Variants in NFATC1 observed in about 807,000 individuals in gnomAD.
NFATC1 encodes the protein nuclear factor of activated T cells 1, also known as nuclear factor of activated T-cells, cytoplasmic 1.
In NFATC1, 22 loss-of-function variants were observed where a neutral mutation model predicts 76.0. That is an observed-to-expected ratio of 0.29 (90% CI 0.21 to 0.41). The LOEUF is 0.41. NFATC1 is among the 10% of genes least tolerant of loss of function. The probability of loss-of-function intolerance (pLI) is 1.00; values close to 1 mark genes in which losing one functional copy is unlikely to be tolerated. For synonymous variants in NFATC1, 704 were observed against 613.1 expected, an observed-to-expected ratio of 1.15 and a Z score of -2.19; for missense variants, 1,357 against 1,337.7, an observed-to-expected ratio of 1.01 and a Z score of -0.23.
intron 8 of NFATC1, among the ~76,000 whole-genome samples, chr18:79,481,046 G>A (rs9950247): frequency 0.023 from 3,532 of 152,344 alleles, 125 homozygotes; most frequent in African/African-American, 0.081. Flanking sequence ...GGTGCCCACC[G>A]GCGTCTCACT....
At chr18:79,409,575 C>T (rs1689049894) in intron 1 of NFATC1, among the ~76,000 whole-genome samples, 1 of 152,190 alleles carries the variant, frequency 6.6e-6, no homozygotes, top group South Asian at 2.1e-4. Flanking sequence ...CTTTATCCCT[C>T]ATTCCTCCCT....
chr18:79,482,786 C>T (rs1476844606), intron 8 of NFATC1, among the ~76,000 whole-genome samples: 1 of 138,044 alleles, frequency 7.2e-6, no homozygotes, highest in African/African-American at 2.7e-5. Flanking sequence ...TCCAGCGTGA[C>T]CTGGTCCTGG....
intron 2 of NFATC1, among the ~76,000 whole-genome samples, chr18:79,411,766 C>T (rs1275739477): frequency 6.6e-6 from 1 of 152,242 alleles, no homozygotes; most frequent in Non-Finnish European, 1.5e-5. Context: ...CTCTCGGGCC[C>T]TGCTGATGGC....
intron 8 of NFATC1, among the ~76,000 whole-genome samples, chr18:79,482,346 G>C (rs1302764262): frequency 7.3e-6 from 1 of 137,710 alleles, no homozygotes; most frequent in Non-Finnish European, 1.6e-5. Flanking sequence ...AGCGTGACCT[G>C]GTCCTGGGGT....
chr18:79,494,206 C>T (rs1408950030), intron 9 of NFATC1, among the ~76,000 whole-genome samples: 1 of 151,970 alleles, frequency 6.6e-6, no homozygotes, highest in Non-Finnish European at 1.5e-5. Context: ...CGAGAGCGGG[C>T]ACACGCCCCC....
rs1017832577 is a variant in NFATC1, at chr18:79,508,693, CT to C, written c.2783-18834del. 2.0e-4 allele frequency among the ~76,000 whole-genome samples: 31 copies of C among 151,958 alleles called. 1 individual carries two copies. ...TGTCTCCCTTCCTCCCTGTCTCTGCCTCTTTGTCTCCCTCCGTCTCTGAATC... is the reference window on the plus strand; with the variant it reads ...TGTCTCCCTTCCTCCCTGTCTCTGCCCTTTGTCTCCCTCCGTCTCTGAATC... On this transcript the variant is annotated intron_variant, in intron 9 of 9. Coordinates refer to ENST00000427363, the MANE Select transcript of NFATC1 (RefSeq NM_001278669.2).
chr18:79,403,109 TG>T (rs1568913462), intron 1 of NFATC1, among the ~76,000 whole-genome samples: 1 of 152,228 alleles, frequency 6.6e-6, no homozygotes, highest in Non-Finnish European at 1.5e-5. Context: ...GTACCGGGGT[TG>T]GGGGCTGCAG....
chr18:79,464,668 G>GTGTACGTATATATATACACACA (rs2088345381), intron 7 of NFATC1, among the ~76,000 whole-genome samples: 1 of 117,808 alleles, frequency 8.5e-6, no homozygotes, highest in African/African-American at 3.8e-5. Flanking sequence ...GTGTGTGTGT[G>GTGTACGTATATATATACACACA]TGTATATGTA....
Position 79,528,218 on chromosome 18 carries a change from G to T in NFATC1, c.*641G>T. Reference sequence around the variant, plus strand: ...TGTAACATGCTTCCCTTGTCTGCGCGGTTGAAACCGTAGGCTTGTTCATAG... The same window carrying T: ...TGTAACATGCTTCCCTTGTCTGCGCTGTTGAAACCGTAGGCTTGTTCATAG... On this transcript the variant is annotated 3_prime_UTR_variant, in exon 10 of 10. Transcript: ENST00000427363. 3.0e-6 allele frequency: 1 copy of T among 329,434 alleles called. No individual in the cohort carries two copies. The highest frequency in any genetic ancestry group is 5.5e-6 in the Non-Finnish European group (1 of 182,748). 20.4% of individuals were successfully genotyped at this position (329,434 alleles called of 1,614,324 possible).
chr18:79,483,339 A>G (rs56351252), intron 8 of NFATC1, among the ~76,000 whole-genome samples: 5,492 of 56,298 alleles, frequency 0.098, 1,099 homozygotes, highest in African/African-American at 0.39. Flanking sequence ...TCATTCCGGC[A>G]TGACCTGGTT....
chr18:79,403,274 G>A (rs1250944891), intron 1 of NFATC1, among the ~76,000 whole-genome samples: 2 of 152,256 alleles, frequency 1.3e-5, no homozygotes, highest in Admixed American at 6.5e-5. Context: ...TCTTTATTTC[G>A]AAAGTGCTCA....
chr18:79,496,529 G>GC (rs1292237080), intron 9 of NFATC1: 1 of 152,326 alleles, frequency 6.6e-6, no homozygotes, highest in Admixed American at 6.5e-5. Flanking sequence ...CTGAGCTCGA[G>GC]CACGGGCACG....
At chr18:79,519,009 G>C (rs915709524) in intron 9 of NFATC1, among the ~76,000 whole-genome samples, 2 of 152,204 alleles carry the variant, frequency 1.3e-5, no homozygotes, top group African/African-American at 4.8e-5. Flanking sequence ...CCCAGGATGT[G>C]TCCTGAGCCC....
At chr18:79,487,150 G>A (rs1211546182) in intron 9 of NFATC1, among the ~76,000 whole-genome samples, 1 of 152,228 alleles carries the variant, frequency 6.6e-6, no homozygotes, top group African/African-American at 2.4e-5. Context: ...TGCTCCGGTG[G>A]TCGCAGTGTG....
rs1454380476 is a variant in NFATC1 at position 79,410,111 on chromosome 18, C to T, written c.128-292C>T. On this transcript the variant is annotated intron_variant, in intron 1 of 9. Transcript: ENST00000427363. The surrounding 1 kb of genome is among the most constrained non-coding windows in gnomAD (Gnocchi z 6.7). ...GAATGAAGAGCGGAACCCGTGAGGA[C>T]CCGGCCGCCTCTCCCTGGGAAGGAC... The T allele has an allele frequency of 1.4e-6, 1 of 730,692 alleles. No individual in the cohort carries two copies. The highest frequency in any genetic ancestry group is 1.4e-5 in the South Asian group (1 of 73,386). The allele number at this position is 730,692 out of a possible 1,614,324, so 45.3% of individuals were successfully genotyped here.
chr18:79,403,866 G>A (rs996192877), intron 1 of NFATC1, among the ~76,000 whole-genome samples: 3 of 152,264 alleles, frequency 2.0e-5, no homozygotes, highest in Non-Finnish European at 2.9e-5. Context: ...CAGGAAACCC[G>A]TGGCAGAGAC....
intron 6 of NFATC1, among the ~76,000 whole-genome samples, chr18:79,458,925 C>CT (rs1374557693): frequency 2.0e-5 from 3 of 152,244 alleles, no homozygotes; most frequent in African/African-American, 7.2e-5. Flanking sequence ...AATACTATTG[C>CT]TTTTGAAAGA....
intron 2 of NFATC1, among the ~76,000 whole-genome samples, chr18:79,415,581 C>T (rs544708200): frequency 1.3e-5 from 2 of 152,170 alleles, no homozygotes; most frequent in Admixed American, 6.5e-5. Flanking sequence ...CGCGCCCAGC[C>T]CTTGAATTCA....
chr18:79,426,405 G>C (rs1039479844), intron 2 of NFATC1, among the ~76,000 whole-genome samples: 6 of 151,982 alleles, frequency 3.9e-5, no homozygotes, highest in Admixed American at 1.3e-4. Context: ...CCCAGGCCAC[G>C]GGGGCCACTG....
Sources: gnomAD v4.1 joint callset for allele counts (sites outside exome capture counted in the v4.1 genomes callset) on GRCh38, gnomAD v4.1.1 for gene constraint, Gnocchi (gnomAD v3.1) non-coding constraint, MANE v1.5 for transcripts, NCBI Gene and HGNC (gene_info 2026-07-23, HGNC 2026-07-21) for gene names.